Variants in ARID1B observed in about 807,000 individuals in gnomAD.
ARID1B encodes AT-rich interactive domain-containing protein 1B.
In ARID1B, 30 loss-of-function variants were observed where a neutral mutation model predicts 212.3. The observed-to-expected ratio is 0.14, with a 90% CI of 0.11 to 0.19. The LOEUF is 0.19. Among genes scored for constraint, ARID1B ranks in the 10% least tolerant of loss-of-function variants. The pLI, the probability that ARID1B is intolerant of heterozygous loss-of-function variation, is 1.00. For missense variants in ARID1B, 2,891 were observed against 3,204.0 expected, an observed-to-expected ratio of 0.90 and a Z score of 2.36; for synonymous variants, 1,402 against 1,301.7, an observed-to-expected ratio of 1.08 and a Z score of -1.66.
At chr6:157,050,512 C>T (rs1052196303) in intron 4 of ARID1B, among the ~76,000 whole-genome samples, 1 of 152,032 alleles carries the variant, frequency 6.6e-6, no homozygotes, top group Admixed American at 6.5e-5. Context: ...CCACTGCACT[C>T]CAGCCTGGGC....
intron 6 of ARID1B, among the ~76,000 whole-genome samples, chr6:157,121,627 A>G: frequency 7.9e-6 from 1 of 126,246 alleles, no homozygotes; most frequent in Admixed American, 8.2e-5. Context: ...AATCATATAT[A>G]GCTTTTTTTT....
intron 5 of ARID1B, among the ~76,000 whole-genome samples, chr6:157,103,895 A>G (rs1786273060): frequency 1.4e-5 from 2 of 145,894 alleles, no homozygotes; most frequent in Admixed American, 6.9e-5. Flanking sequence ...GAGGGCAGTA[A>G]TGTGATCTCG....
Position 157,201,354 on chromosome 6 carries a change from TC to T in ARID1B, c.5133del (p.Thr1712HisfsTer25). The T allele has an allele frequency of 6.2e-7, 1 of 1,612,860 alleles. No individual in the cohort carries two copies. Among genetic ancestry groups the T allele is most frequent in the Non-Finnish European group, 8.5e-7 (1 of 1,179,340 alleles). ...AAGATGCAGAAGGTCATGCCCACGG[TC>T]CCCACATCCCAGGTCACCGGGCCAC... ...SMKMQKVMPT[V>X]PTSQVTGPPP... On this transcript the variant is annotated frameshift_variant, in exon 18 of 20. Coordinates refer to ENST00000636930, the MANE Select transcript of ARID1B (RefSeq NM_001374828.1). LOFTEE classifies it high-confidence loss of function. The surrounding 1 kb of genome is among the most constrained non-coding windows in gnomAD (Gnocchi z 5.2).
chr6:157,088,034 G>T (rs1350507623), intron 5 of ARID1B, among the ~76,000 whole-genome samples: 2 of 152,220 alleles, frequency 1.3e-5, no homozygotes, highest in African/African-American at 4.8e-5. Context: ...AATAGATGCA[G>T]TATAAAATCC....
chr6:156,929,264 C>T (rs932561003), intron 3 of ARID1B, among the ~76,000 whole-genome samples: 1 of 152,160 alleles, frequency 6.6e-6, no homozygotes, highest in African/African-American at 2.4e-5. Flanking sequence ...AGCATGCCAT[C>T]CTTGATGTGC....
intron 5 of ARID1B, among the ~76,000 whole-genome samples, chr6:157,086,250 A>G (rs1477564689): frequency 6.6e-6 from 1 of 152,186 alleles, no homozygotes; most frequent in Admixed American, 6.5e-5. Context: ...CTGTAATTTG[A>G]TATAGGTATA....
chr6:156,894,313 T>TGAG (rs1788215623), intron 2 of ARID1B, among the ~76,000 whole-genome samples: 1 of 95,540 alleles, frequency 1.0e-5, no homozygotes, highest in Non-Finnish European at 2.2e-5. Flanking sequence ...GGCCGGGGGT[T>TGAG]GGGATGGGGA....
chr6:157,027,842 G>A (rs1230292299), intron 4 of ARID1B, among the ~76,000 whole-genome samples: 6 of 152,162 alleles, frequency 3.9e-5, no homozygotes, highest in Admixed American at 1.3e-4. Context: ...TTCAATGGCA[G>A]GGTGGGACTG....
At chr6:156,961,918 A>G (rs1302951399) in intron 4 of ARID1B, among the ~76,000 whole-genome samples, 1 of 152,198 alleles carries the variant, frequency 6.6e-6, no homozygotes, top group Non-Finnish European at 1.5e-5. Context: ...CAATTTCACC[A>G]TAACACTGAC....
At chr6:156,941,141 G>A (rs993843752) in intron 4 of ARID1B, 2 of 152,168 alleles carry the variant, frequency 1.3e-5, no homozygotes, top group African/African-American at 4.8e-5. Context: ...CATGGATGAT[G>A]CCTGTGTGTT....
At chr6:157,011,530 A>G (rs1562547842) in intron 4 of ARID1B, among the ~76,000 whole-genome samples, 1 of 152,212 alleles carries the variant, frequency 6.6e-6, no homozygotes, top group Non-Finnish European at 1.5e-5. Flanking sequence ...TGAAAATGTG[A>G]TATAAATTCA....
intron 11 of ARID1B, 62 bp from the exon 12 acceptor site, chr6:157,180,907 C>T: frequency 7.0e-7 from 1 of 1,436,590 alleles, no homozygotes; most frequent in Non-Finnish European, 9.6e-7. Flanking sequence ...TTTTTTCTCA[C>T]CTTCTTCCCT....
At chr6:157,151,666 A>G (rs187527039) in intron 8 of ARID1B, 105 of 152,350 alleles carry the variant, frequency 6.9e-4, no homozygotes, top group African/African-American at 2.3e-3. Flanking sequence ...GTCTATTACT[A>G]TTGAGTGAAT....
Position 157,046,724 on chromosome 6 carries a change from C to A in ARID1B, c.2248-37938C>A, listed in dbSNP as rs912589080. On this transcript the variant is annotated intron_variant, in intron 4 of 19. Transcript: ENST00000636930. ...AATCCTTTCATTAAGTGAAGCCAGGCAAAAATTTTTAAAAGAAAGGTAAAA... is the reference window on the plus strand; with the variant it reads ...AATCCTTTCATTAAGTGAAGCCAGGAAAAAATTTTTAAAAGAAAGGTAAAA... 3.3e-5 allele frequency among the ~76,000 whole-genome samples: 5 copies of A among 152,206 alleles called. No individual in the cohort carries two copies. In the East Asian group the frequency reaches 9.6e-4, roughly 29 times the overall value.
At chr6:156,856,480 T>A (rs972549383) in intron 2 of ARID1B, among the ~76,000 whole-genome samples, 2 of 152,044 alleles carry the variant, frequency 1.3e-5, no homozygotes, top group African/African-American at 2.4e-5. Flanking sequence ...ATGGAGAGAT[T>A]AAGTAACTTC....
At chr6:156,855,245 G>A (rs1012942254) in intron 2 of ARID1B, among the ~76,000 whole-genome samples, 1 of 152,186 alleles carries the variant, frequency 6.6e-6, no homozygotes, top group Admixed American at 6.5e-5. Flanking sequence ...GCGTATGGAT[G>A]ATATTATACA....
At chr6:156,902,538 A>G (rs1282692412) in intron 3 of ARID1B, among the ~76,000 whole-genome samples, 1 of 152,094 alleles carries the variant, frequency 6.6e-6, no homozygotes, top group East Asian at 1.9e-4. Context: ...CCCTTTCCGT[A>G]TGACTTACTA....
At chr6:157,174,143 T>G (rs1184050265) in intron 10 of ARID1B, 26 bp downstream of exon 10, 1 of 1,597,832 alleles carries the variant, frequency 6.3e-7, no homozygotes, top group East Asian at 2.2e-5. Flanking sequence ...CTGCACGCGG[T>G]GTGAGGTCTG....
At chr6:157,078,029 C>T (rs576850744) in intron 4 of ARID1B, among the ~76,000 whole-genome samples, 91 of 152,282 alleles carry the variant, frequency 6.0e-4, no homozygotes, top group Non-Finnish European at 6.2e-4. Flanking sequence ...CCAGCAGTTA[C>T]GCACACGAGT....
Sources: allele counts gnomAD v4.1 joint callset (sites outside exome capture counted in the v4.1 genomes callset), GRCh38; gene constraint gnomAD v4.1.1; non-coding constraint Gnocchi (gnomAD v3.1); transcripts MANE v1.5; gene names NCBI Gene and HGNC (gene_info 2026-07-23, HGNC 2026-07-21).